Variants in JAK2 observed in about 807,000 individuals in gnomAD.
JAK2 encodes Janus kinase 2.
Under a neutral mutation model 139.3 loss-of-function variants are expected in JAK2, and 86 were observed. That is an observed-to-expected ratio of 0.62 (90% confidence interval 0.52 to 0.74). The LOEUF (loss-of-function observed/expected upper bound fraction) is 0.74, where lower values mean the gene tolerates loss of function less well. Ranked by LOEUF, JAK2 falls within the 30% of genes least tolerant of loss-of-function variation. The pLI, the probability that JAK2 is intolerant of heterozygous loss-of-function variation, is 0.00. For missense variants in JAK2, 1,421 were observed against 1,360.3 expected, an observed-to-expected ratio of 1.04 and a Z score of -0.70; for synonymous variants, 490 against 437.7, an observed-to-expected ratio of 1.12 and a Z score of -1.49.
intron 22 of JAK2, chr9:5,094,033 C>G (rs1179232568): frequency 6.6e-6 from 1 of 152,128 alleles, no homozygotes; most frequent in African/African-American, 2.4e-5. Flanking sequence ...CTTAAGATGG[C>G]GGAGCCTGGC....
At chr9:5,079,926 A>C (rs1333471859) in intron 16 of JAK2, among the ~76,000 whole-genome samples, 1 of 152,172 alleles carries the variant, frequency 6.6e-6, no homozygotes, top group Non-Finnish European at 1.5e-5. Context: ...TTGATTCAGA[A>C]CTCACTGTAC....
intron 22 of JAK2, chr9:5,109,350 C>A (rs565515294): frequency 2.0e-4 from 30 of 152,268 alleles, no homozygotes; most frequent in African/African-American, 6.3e-4. Context: ...AAGCCTGCAA[C>A]TTCTTATCTA....
intron 22 of JAK2, among the ~76,000 whole-genome samples, chr9:5,113,191 C>CTTTT (rs531374595): frequency 1.7e-5 from 1 of 57,160 alleles, no homozygotes; most frequent in African/African-American, 8.2e-5. Context: ...CTGGCAGGAG[C>CTTTT]TTTTTTTTTT....
At chr9:5,020,840 G>A (rs1027601730) in intron 2 of JAK2, among the ~76,000 whole-genome samples, 4 of 152,134 alleles carry the variant, frequency 2.6e-5, no homozygotes, top group Non-Finnish European at 5.9e-5. Flanking sequence ...GGCTCTAGGG[G>A]TGTGGATATG....
intron 8 of JAK2, among the ~76,000 whole-genome samples, chr9:5,056,642 T>C (rs1443474878): frequency 6.6e-6 from 1 of 152,150 alleles, no homozygotes; most frequent in African/African-American, 2.4e-5. Context: ...TTGTACCCCC[T>C]ACACCTTGCA....
At position 5,022,054 on chromosome 9, in the gene JAK2, G is replaced by A. The variant is rs755035784; in HGVS notation, c.67G>A (p.Gly23Ser). ...GTSTSSIYQN[G>S]DISGNANSMK... ...ATCCACCTCTTCTATATATCAGAAT[G>A]GTGATATTTCTGGAAATGCCAATTC... Residue 23 changes from glycine (G) to serine (S), a missense_variant, in exon 3 of 25, where the codon GGT becomes AGT. By Grantham distance (56) the Gly-to-Ser change is moderately conservative. Transcript: ENST00000381652. 1 of 1,613,972 alleles carries A rather than the reference G, an allele frequency of 6.2e-7. No individual in the cohort carries two copies. The highest frequency in any genetic ancestry group is 1.1e-5 in the South Asian group (1 of 91,078).
At chr9:4,999,684 G>T (rs936605390) in intron 2 of JAK2, among the ~76,000 whole-genome samples, 4 of 151,990 alleles carry the variant, frequency 2.6e-5, no homozygotes, top group African/African-American at 9.7e-5. Flanking sequence ...AAGCGTCTTG[G>T]CTAATCCACC....
chr9:5,007,007 T>C (rs1821348790), intron 2 of JAK2, among the ~76,000 whole-genome samples: 1 of 152,204 alleles, frequency 6.6e-6, no homozygotes, highest in Admixed American at 6.5e-5. Flanking sequence ...TGATAATTTA[T>C]GTTTTATCTT....
chr9:5,121,223 T>C (rs1457864478), intron 22 of JAK2, among the ~76,000 whole-genome samples: 1 of 152,188 alleles, frequency 6.6e-6, no homozygotes, highest in Non-Finnish European at 1.5e-5. Context: ...TAGAGCAGGA[T>C]GTGATGTGTA....
At chr9:5,118,198 C>G (rs1034732713) in intron 22 of JAK2, among the ~76,000 whole-genome samples, 1 of 152,156 alleles carries the variant, frequency 6.6e-6, no homozygotes, top group Non-Finnish European at 1.5e-5. Context: ...TTGATACCCA[C>G]TTATCACCCA....
At chr9:4,986,062 G>C (rs1819931419) in intron 2 of JAK2, 40 bp downstream of exon 2, 1 of 152,652 alleles carries the variant, frequency 6.6e-6, no homozygotes, top group South Asian at 2.1e-4. Flanking sequence ...AAAGGCGAAG[G>C]TGTCTGGAGC....
At chr9:5,126,202 GT>G in intron 23 of JAK2, 130 bp from the exon 24 acceptor site, 1 of 590,682 alleles carries the variant, frequency 1.7e-6, no homozygotes, top group Non-Finnish European at 3.0e-6. Flanking sequence ...AAAGTAGTTT[GT>G]TTTGAAAAGG....
chr9:5,019,622 CCTTA>C (rs1822284775), intron 2 of JAK2, among the ~76,000 whole-genome samples: 4 of 152,234 alleles, frequency 2.6e-5, no homozygotes, highest in Middle Eastern at 6.8e-3. Flanking sequence ...TTTCTTGTGA[CCTTA>C]CTTCTTTGAT....
chr9:5,041,856 G>A (rs546353446), intron 4 of JAK2: 15 of 466,058 alleles, frequency 3.2e-5, no homozygotes, highest in African/African-American at 2.4e-4. Context: ...GAACGCGGAC[G>A]ACCCCATGGC....
chr9:5,039,779 T>C (rs1408931677), intron 4 of JAK2, among the ~76,000 whole-genome samples: 1 of 152,036 alleles, frequency 6.6e-6, no homozygotes, highest in Non-Finnish European at 1.5e-5. Flanking sequence ...AAGTGTAAAA[T>C]GTATACACTG....
At chr9:5,079,776 G>T (rs1348026362) in intron 16 of JAK2, among the ~76,000 whole-genome samples, 1 of 151,958 alleles carries the variant, frequency 6.6e-6, no homozygotes, top group Non-Finnish European at 1.5e-5. Flanking sequence ...CTGCAATCGT[G>T]CCATTGCACT....
At chr9:5,056,975 A>G (rs1817811304) in intron 8 of JAK2, among the ~76,000 whole-genome samples, 1 of 152,202 alleles carries the variant, frequency 6.6e-6, no homozygotes, top group African/African-American at 2.4e-5. Context: ...CTTCTTTGCT[A>G]AGTATCCGTA....
chr9:5,117,871 A>G (rs1823326210), intron 22 of JAK2, among the ~76,000 whole-genome samples: 1 of 152,176 alleles, frequency 6.6e-6, no homozygotes, highest in Non-Finnish European at 1.5e-5. Flanking sequence ...AGAGGCAGCT[A>G]ATTAGATTTT....
In JAK2 at chr9:5,080,673, G is replaced by T; in HGVS notation, c.2424G>T (p.Leu808Phe). The part of the protein sequence containing the change: ...FRAIIRDLNS[L>F]FTPDYELLTE... ...CCATCATACGAGATCTTAACAGTTT[G>T]TTTACTCCAGGTATGTATTTGAATG... is the stretch of plus-strand genomic sequence containing the variant. Residue 808 changes from leucine (L) to phenylalanine (F), a missense_variant, in exon 18 of 25, where the codon TTG (leucine) becomes TTT (phenylalanine). Transcript: ENST00000381652. The T allele has an allele frequency of 5.1e-6, 8 of 1,579,934 alleles. No individual in the cohort carries two copies. The highest frequency in any genetic ancestry group is 6.8e-6 in the Non-Finnish European group (8 of 1,168,226).
Sources: allele counts gnomAD v4.1 joint callset (sites outside exome capture counted in the v4.1 genomes callset), GRCh38; gene constraint gnomAD v4.1.1; transcripts MANE v1.5; gene names NCBI Gene and HGNC (gene_info 2026-07-23, HGNC 2026-07-21).